The following ECPAS variants were observed in gnomAD, a reference collection of about 807,000 sequenced individuals.
ECPAS encodes Ecm29 proteasome adaptor and scaffold.
ECPAS carries 70 observed loss-of-function variants against 255.1 expected under a neutral mutation model. The observed-to-expected ratio is 0.27, with a 90% CI of 0.23 to 0.33. The LOEUF is 0.33. Ranked by LOEUF, ECPAS falls within the 10% of genes least tolerant of loss-of-function variation. The pLI is 1.00. For missense variants in ECPAS, 1,817 were observed against 2,206.4 expected (o/e 0.82, Z 3.54); for synonymous variants, 784 against 775.0 (o/e 1.01, Z -0.19).
intron 11 of ECPAS, 57 bp downstream of exon 11, chr9:111,425,686 G>T: frequency 9.3e-7 from 1 of 1,079,846 alleles, no homozygotes; most frequent in Non-Finnish European, 1.4e-6. Flanking sequence ...TACACTTGAA[G>T]CACTCAATCA....
intron 13 of ECPAS, 67 bp from the exon 14 acceptor site, chr9:111,422,267 A>G: frequency 6.6e-7 from 1 of 1,508,536 alleles, no homozygotes; most frequent in Non-Finnish European, 9.2e-7. Flanking sequence ...GGAAAAAATG[A>G]AACTAAACAC....
chr9:111,363,547 A>G (rs752158261), intron 49 of ECPAS, 41 bp downstream of exon 49: 1 of 1,212,460 alleles, frequency 8.2e-7, no homozygotes, highest in Admixed American at 1.8e-5. Flanking sequence ...CATATGCCAC[A>G]TGGCTTTATG....
At chr9:111,396,317 A>G (rs374647647) in intron 25 of ECPAS, among the ~76,000 whole-genome samples, 1 of 152,196 alleles carries the variant, frequency 6.6e-6, no homozygotes, top group East Asian at 1.9e-4. Context: ...TCCCTCAACT[A>G]TATGCTGTCA....
intron 24 of ECPAS, among the ~76,000 whole-genome samples, chr9:111,399,036 GAATAT>G (rs147501079): frequency 0.056 from 8,469 of 152,142 alleles, 564 homozygotes; most frequent in African/African-American, 0.15. Flanking sequence ...ATAGCTAAAA[GAATAT>G]AATAGGATTG....
rs2098311731 is a variant in ECPAS at position 111,484,159 on chromosome 9, G to A, written c.-126C>T. ...CCATGCCGCGGACGCTGCGCTCGGC[G>A]CCGCGAGGTGAGGGCTGTAGAGCGA... On this transcript the variant is annotated 5_prime_UTR_variant, in exon 1 of 50. Transcript: ENST00000684092. 6.8e-7 allele frequency: 1 copy of A among 1,473,042 alleles called. No homozygotes were observed. The highest frequency in any genetic ancestry group is 9.0e-7 in the Non-Finnish European group (1 of 1,114,790). 91.2% of individuals were successfully genotyped at this position (1,473,042 alleles called of 1,614,324 possible).
intron 6 of ECPAS, among the ~76,000 whole-genome samples, chr9:111,438,504 A>G (rs776684355): frequency 8.5e-5 from 13 of 152,308 alleles, no homozygotes; most frequent in South Asian, 8.3e-4. Context: ...GCTACTCAGA[A>G]GGCTGAGGTG....
chr9:111,375,141 A>C lies in ECPAS; in HGVS notation c.4082T>G (p.Ile1361Ser). 6.2e-7 allele frequency: 1 copy of C among 1,613,676 alleles called. No individual in the cohort carries two copies. The highest frequency in any genetic ancestry group is 8.5e-7 in the Non-Finnish European group (1 of 1,179,668). ...GELVPRLCELIRSGVGLGTKG... is the reference protein window; with the variant it reads ...GELVPRLCELSRSGVGLGTKG... ...AGTTCCAAGACCTACACCACTTCTG[A>C]TCAGTTCACACAACCTAGGAACTAG... The change falls in exon 38 of 50, where the codon ATC becomes AGC. Residue 1361 changes from isoleucine (I) to serine (S), a missense_variant. Physicochemically the swap from Ile to Ser is moderately radical, Grantham distance 142 (BLOSUM62 -2). Coordinates refer to ENST00000684092, the MANE Select transcript of ECPAS (RefSeq NM_001364929.1).
Position 111,484,267 on chromosome 9 carries a change from G to T in ECPAS, c.-234C>A. On this transcript the variant is annotated 5_prime_UTR_variant, in exon 1 of 50. Transcript: ENST00000684092. ...CCGAGCGGGCCCGGGCTGCCCTAGC[G>T]GCCGGGGGAAATCCTCGAGGCGGGG... 2.0e-6 allele frequency: 3 copies of T among 1,510,298 alleles called. No homozygotes were observed. Among genetic ancestry groups the T allele is most frequent in the Non-Finnish European group, 2.6e-6 (3 of 1,133,570 alleles). 93.6% of individuals were successfully genotyped at this position (1,510,298 alleles called of 1,614,324 possible).
At chr9:111,397,326 G>A (rs946533434) in intron 24 of ECPAS, among the ~76,000 whole-genome samples, 173 bp from the exon 25 acceptor site, 1 of 152,214 alleles carries the variant, frequency 6.6e-6, no homozygotes, top group Non-Finnish European at 1.5e-5. Flanking sequence ...GTGAGGGAGT[G>A]GAGGATATAA....
rs1003584811 is a variant in ECPAS, at chr9:111,384,665, A to C, written c.3634-96T>G. 9.4e-6 allele frequency: 10 copies of C among 1,066,478 alleles called. No individual in the cohort carries two copies. In the Admixed American group the frequency reaches 2.0e-4, roughly 21 times the overall value. 66.1% of individuals were successfully genotyped at this position (1,066,478 alleles called of 1,614,324 possible). A position where few individuals can be genotyped will look rare whatever the true frequency, so the allele number is the denominator to read the frequency against. ...TTTAATTGCCTCAGGCCCTACAGAG[A>C]TTTGGTGGAAAATCTTACATTTCAT... On this transcript the variant is annotated intron_variant, in intron 33 of 49. Transcript: ENST00000684092.
chr9:111,464,905 C>T (rs939043753), intron 2 of ECPAS, among the ~76,000 whole-genome samples: 9 of 152,238 alleles, frequency 5.9e-5, no homozygotes, highest in Non-Finnish European at 1.2e-4. Flanking sequence ...AAAATAAGGC[C>T]GGGCGTGGTG....
At chr9:111,400,162 C>G (rs2098173596) in intron 24 of ECPAS, among the ~76,000 whole-genome samples, 1 of 152,224 alleles carries the variant, frequency 6.6e-6, no homozygotes, top group Non-Finnish European at 1.5e-5. Flanking sequence ...TGCTGGGTAT[C>G]TAGGTATCTG....
At chr9:111,479,159 T>C (rs1256677103) in intron 1 of ECPAS, among the ~76,000 whole-genome samples, 1 of 152,208 alleles carries the variant, frequency 6.6e-6, no homozygotes, top group East Asian at 1.9e-4. Flanking sequence ...TCAGGGTTAT[T>C]CTGAGGAATA....
intron 35 of ECPAS, among the ~76,000 whole-genome samples, chr9:111,381,878 AAC>A (rs1165890210): frequency 6.6e-6 from 1 of 152,120 alleles, no homozygotes; most frequent in Non-Finnish European, 1.5e-5. Flanking sequence ...AATCTTTTTT[AAC>A]AGTCTCCACT....
chr9:111,407,158 T>C (rs1176448915), intron 24 of ECPAS, among the ~76,000 whole-genome samples: 1 of 145,596 alleles, frequency 6.9e-6, no homozygotes, highest in East Asian at 2.1e-4. Context: ...TCCCAGCACT[T>C]TGGGAGGCCG....
intron 49 of ECPAS, among the ~76,000 whole-genome samples, chr9:111,362,460 T>C (rs577825940): frequency 8.6e-5 from 13 of 151,786 alleles, no homozygotes; most frequent in Admixed American, 5.9e-4. Context: ...TGAAGCATAG[T>C]AGGAAGAAGG....
At chr9:111,367,837 C>A (rs1212044831) in intron 46 of ECPAS, among the ~76,000 whole-genome samples, 1 of 151,972 alleles carries the variant, frequency 6.6e-6, no homozygotes, top group East Asian at 1.9e-4. Context: ...CACTTGAGCC[C>A]AGGAGTTTGA....
At chr9:111,468,867 A>T (rs913315844) in intron 2 of ECPAS, among the ~76,000 whole-genome samples, 2 of 152,176 alleles carry the variant, frequency 1.3e-5, no homozygotes, top group Non-Finnish European at 2.9e-5. Context: ...TTTGAGGCTA[A>T]AACTATGGAA....
Position 111,376,511 on chromosome 9 carries a change from C to T in ECPAS, c.3985G>A (p.Ala1329Thr). ...AAMDSARLSA[A>T]KSSPMMETIN... ...GTTTCCATCATTGGAGAAGATTTGG[C>T]AGCACTAAGCCGAGCACTATCCATC... Residue 1329 changes from alanine to threonine, a missense_variant, in exon 37 of 50, where the codon GCC (alanine) becomes ACC (threonine). By Grantham distance (58) the Ala-to-Thr change is moderately conservative (BLOSUM62 0). Transcript: ENST00000684092. 6.2e-7 allele frequency: 1 copy of T among 1,600,186 alleles called. No individual in the cohort carries two copies. The highest frequency in any genetic ancestry group is 8.5e-7 in the Non-Finnish European group (1 of 1,172,990).
Sources: allele counts gnomAD v4.1 joint callset (sites outside exome capture counted in the v4.1 genomes callset), GRCh38; gene constraint gnomAD v4.1.1; transcripts MANE v1.5; gene names NCBI Gene and HGNC (gene_info 2026-07-23, HGNC 2026-07-21).